MDGA2: variants seen among roughly 807,000 people sequenced by gnomAD.
MDGA2 encodes the protein MAM domain-containing glycosylphosphatidylinositol anchor protein 2.
In MDGA2, 40 loss-of-function variants were observed where a neutral mutation model predicts 117.8. That is an observed-to-expected ratio of 0.34 (90% CI 0.26 to 0.44). MDGA2 has a LOEUF of 0.44. Among genes scored for constraint, MDGA2 ranks in the 20% least tolerant of loss-of-function variants. The pLI is 1.00. For missense variants in MDGA2, 1,123 were observed against 1,250.6 expected (o/e 0.90, Z 1.54); for synonymous variants, 452 against 439.0 (o/e 1.03, Z -0.37).
chr14:47,088,086 TAGACA>T (rs1165646661), intron 6 of MDGA2, among the ~76,000 whole-genome samples: 1 of 152,022 alleles, frequency 6.6e-6, no homozygotes, highest in Non-Finnish European at 1.5e-5. Flanking sequence ...TTTCAATATC[TAGACA>T]AAATTTTTTA....
At chr14:47,253,837 C>A (rs1367878687) in intron 2 of MDGA2, among the ~76,000 whole-genome samples, 1 of 152,264 alleles carries the variant, frequency 6.6e-6, no homozygotes, top group Non-Finnish European at 1.5e-5. Context: ...CTGCAGCCAG[C>A]TTCTGCCTAG....
In MDGA2 at chr14:46,856,872, A is replaced by G. The variant is rs1276948027; in HGVS notation, c.2753-1718T>C. On this transcript the variant is annotated intron_variant, in intron 14 of 16. Transcript: ENST00000399232. ...CTCCTTTTACTATGCGTTAGTGATT[A>G]TTTTAGAGTTAAGATATAACTTCTC... Among the ~76,000 whole-genome samples, 9 of 152,188 alleles carry G rather than the reference A, an allele frequency of 5.9e-5. No homozygotes were observed. The East Asian group carries it at 1.7e-3, about 29-fold the overall frequency.
At chr14:46,939,613 G>C (rs1244656684) in intron 9 of MDGA2, among the ~76,000 whole-genome samples, 2 of 152,140 alleles carry the variant, frequency 1.3e-5, no homozygotes, top group East Asian at 1.9e-4. Context: ...ATCTCTCCCA[G>C]ACAGAACAAA....
intron 6 of MDGA2, among the ~76,000 whole-genome samples, chr14:47,093,558 T>C (rs543436015): frequency 6.6e-6 from 1 of 152,214 alleles, no homozygotes; most frequent in South Asian, 2.1e-4. Context: ...GCTTCTCTCC[T>C]AACTTATGAG....
In MDGA2 at chr14:46,915,799, C is replaced by G. The variant is rs534121332; in HGVS notation, c.2238+4213G>C. Among the ~76,000 whole-genome samples the G allele has an allele frequency of 5.3e-5, 8 of 152,250 alleles. No individual in the cohort carries two copies. In the East Asian group the frequency reaches 1.5e-3, roughly 29 times the overall value. On this transcript the variant is annotated intron_variant, in intron 10 of 16. Coordinates refer to ENST00000399232, the MANE Select transcript of MDGA2 (RefSeq NM_001113498.3). ...ACATGTGGACTAGAAGAAAAATAAA[C>G]CACATCCAATACACTGGCTGTGCAT...
intron 8 of MDGA2, among the ~76,000 whole-genome samples, chr14:47,030,378 G>A (rs1365766684): frequency 6.6e-6 from 1 of 151,884 alleles, no homozygotes; most frequent in Non-Finnish European, 1.5e-5. Flanking sequence ...GCTGGGCATG[G>A]TGGCACATGC....
At chr14:47,265,607 G>A (rs1025340834) in intron 2 of MDGA2, among the ~76,000 whole-genome samples, 4 of 150,746 alleles carry the variant, frequency 2.7e-5, no homozygotes, top group Non-Finnish European at 4.4e-5. Flanking sequence ...TATTGTGGAA[G>A]CCAGTGTTTA....
At chr14:47,616,460 C>T (rs1896950232) in intron 1 of MDGA2, among the ~76,000 whole-genome samples, 2 of 152,196 alleles carry the variant, frequency 1.3e-5, no homozygotes, top group African/African-American at 4.8e-5. Context: ...TTCCTCATTA[C>T]TTACCTGCCA....
chr14:47,624,457 CAAAT>C (rs1287276879), intron 1 of MDGA2, among the ~76,000 whole-genome samples: 2 of 152,116 alleles, frequency 1.3e-5, no homozygotes, highest in East Asian at 1.9e-4. Flanking sequence ...GACTCCATCT[CAAAT>C]AAGTAAACAA....
intron 1 of MDGA2, among the ~76,000 whole-genome samples, chr14:47,603,617 C>G (rs1896686550): frequency 6.7e-6 from 1 of 149,034 alleles, no homozygotes; most frequent in Non-Finnish European, 1.5e-5. Context: ...CCCTCATAGT[C>G]TCTCTCTCTC....
intron 14 of MDGA2, among the ~76,000 whole-genome samples, chr14:46,867,180 G>A (rs561996101): frequency 1.3e-5 from 2 of 152,196 alleles, no homozygotes; most frequent in South Asian, 4.1e-4. Flanking sequence ...AAGAAAATGT[G>A]GCACACATAC....
intron 1 of MDGA2, among the ~76,000 whole-genome samples, chr14:47,444,920 A>G (rs1388134869): frequency 6.6e-6 from 1 of 152,204 alleles, no homozygotes; most frequent in Admixed American, 6.6e-5. Flanking sequence ...GAATAGTGAC[A>G]TAATACCTAC....
intron 1 of MDGA2, among the ~76,000 whole-genome samples, chr14:47,306,457 G>C (rs1263243269): frequency 8.5e-5 from 13 of 152,150 alleles, no homozygotes; most frequent in Admixed American, 3.9e-4. Flanking sequence ...TAATGGCGAT[G>C]CTTCCTGAAA....
intron 1 of MDGA2, among the ~76,000 whole-genome samples, chr14:47,499,218 T>C (rs1894347396): frequency 6.6e-6 from 1 of 152,106 alleles, no homozygotes. Flanking sequence ...CTGGCTGTCT[T>C]CCCACTTACT....
intron 1 of MDGA2, among the ~76,000 whole-genome samples, chr14:47,355,460 G>T (rs1890972918): frequency 6.6e-6 from 1 of 152,122 alleles, no homozygotes; most frequent in African/African-American, 2.4e-5. Context: ...TCATTCTACA[G>T]CTAGATCTTT....
At chr14:47,210,031 T>A (rs1433443434) in intron 3 of MDGA2, among the ~76,000 whole-genome samples, 1 of 152,182 alleles carries the variant, frequency 6.6e-6, no homozygotes, top group Non-Finnish European at 1.5e-5. Context: ...AAGTTGATGG[T>A]TCCAATAAAA....
chr14:47,459,410 CT>C (rs5808399), intron 1 of MDGA2, among the ~76,000 whole-genome samples: 50,235 of 146,966 alleles, frequency 0.34, 8,599 homozygotes, highest in East Asian at 0.59. Flanking sequence ...ATTAGTTTCA[CT>C]TTTTTTTTTT....
intron 1 of MDGA2, among the ~76,000 whole-genome samples, chr14:47,648,669 G>A (rs1397679449): frequency 6.6e-6 from 1 of 152,140 alleles, no homozygotes; most frequent in Non-Finnish European, 1.5e-5. Flanking sequence ...CCAGGAATGG[G>A]AAGTAAAAGC....
intron 1 of MDGA2, among the ~76,000 whole-genome samples, chr14:47,488,468 A>G (rs1015814676): frequency 1.3e-5 from 2 of 152,142 alleles, no homozygotes; most frequent in Non-Finnish European, 2.9e-5. Flanking sequence ...ACAATGTATC[A>G]TAGAAATGAA....
Sources: allele counts gnomAD v4.1 joint callset (sites outside exome capture counted in the v4.1 genomes callset), GRCh38; gene constraint gnomAD v4.1.1; transcripts MANE v1.5; gene names NCBI Gene and HGNC (gene_info 2026-07-23, HGNC 2026-07-21).